The following IMMP2L variants were observed in gnomAD, a reference collection of about 807,000 sequenced individuals.
The protein encoded by IMMP2L is inner mitochondrial membrane peptidase subunit 2.
A neutral mutation model predicts 19.3 loss-of-function variants in IMMP2L; 18 were observed. The ratio of observed to expected loss-of-function variants is 0.93; its 90% CI spans 0.64 to 1.38. The LOEUF is 1.38. IMMP2L is among the 40% of genes most tolerant of loss of function. The pLI is 0.00. For missense variants in IMMP2L, 233 were observed against 218.2 expected (o/e 1.07, Z -0.43); for synonymous variants, 76 against 73.0 (o/e 1.04, Z -0.21).
intron 3 of IMMP2L, among the ~76,000 whole-genome samples, chr7:111,301,403 C>G (rs1822224358): frequency 6.7e-6 from 1 of 150,056 alleles, no homozygotes; most frequent in Non-Finnish European, 1.5e-5. Flanking sequence ...AATATTTTCT[C>G]CAAGCCTGCA....
intron 1 of IMMP2L, among the ~76,000 whole-genome samples, chr7:111,543,332 T>C (rs1848644226): frequency 6.6e-6 from 1 of 152,190 alleles, no homozygotes; most frequent in South Asian, 2.1e-4. Context: ...AAAGCTGATG[T>C]TAACCACTGT....
At chr7:111,132,543 C>G (rs940632016) in intron 3 of IMMP2L, among the ~76,000 whole-genome samples, 1 of 152,010 alleles carries the variant, frequency 6.6e-6, no homozygotes, top group African/African-American at 2.4e-5. Flanking sequence ...ACATCAACAC[C>G]AACAGCTTAG....
intron 5 of IMMP2L, among the ~76,000 whole-genome samples, chr7:110,848,951 T>C (rs1805935006): frequency 6.6e-6 from 1 of 152,070 alleles, no homozygotes; most frequent in Admixed American, 6.6e-5. Context: ...GCACAGGGAT[T>C]TTTAGGGCAG....
chr7:111,104,656 A>C (rs2129580995), intron 3 of IMMP2L, among the ~76,000 whole-genome samples: 1 of 151,882 alleles, frequency 6.6e-6, no homozygotes, highest in East Asian at 1.9e-4. Context: ...CTAAAGAAAA[A>C]TTTTTAAATG....
At chr7:110,878,662 A>G (rs1455640960) in intron 5 of IMMP2L, among the ~76,000 whole-genome samples, 4 of 152,112 alleles carry the variant, frequency 2.6e-5, no homozygotes, top group Non-Finnish European at 5.9e-5. Context: ...TCTTGATTAT[A>G]ACAACATAGT....
intron 3 of IMMP2L, among the ~76,000 whole-genome samples, chr7:111,084,602 A>C (rs1236977433): frequency 1.3e-5 from 2 of 152,212 alleles, no homozygotes; most frequent in African/African-American, 4.8e-5. Context: ...AACAGTAGGC[A>C]AAAGAACAAG....
In IMMP2L at chr7:111,124,146, A is replaced by C. The variant is rs1365442930; in HGVS notation, c.240-160581T>G. On this transcript the variant is annotated intron_variant, in intron 3 of 5. Coordinates refer to ENST00000405709, the MANE Select transcript of IMMP2L (RefSeq NM_032549.4). ...CACAGCCTGAAATCTACTGGATAAC[A>C]CCTTCTGGTCAAAAACTCTTGCCTA... 3.1e-6 allele frequency: 5 copies of C among 1,613,828 alleles called. No homozygotes were observed. In the Admixed American group the frequency reaches 8.3e-5, roughly 27 times the overall value.
intron 3 of IMMP2L, among the ~76,000 whole-genome samples, chr7:111,020,670 G>A (rs1430536805): frequency 6.6e-6 from 1 of 152,076 alleles, no homozygotes. Flanking sequence ...GCTGAGGTGG[G>A]AGGATCACTT....
At chr7:111,132,681 A>G (rs894208586) in intron 3 of IMMP2L, among the ~76,000 whole-genome samples, 1 of 152,000 alleles carries the variant, frequency 6.6e-6, no homozygotes, top group African/African-American at 2.4e-5. Context: ...GAACAAAATT[A>G]TTTATTATAG....
At chr7:111,340,396 A>T (rs1826892168) in intron 3 of IMMP2L, among the ~76,000 whole-genome samples, 2 of 152,116 alleles carry the variant, frequency 1.3e-5, no homozygotes, top group African/African-American at 4.8e-5. Context: ...CTTAAAAAAC[A>T]AAGTAATTAT....
intron 5 of IMMP2L, among the ~76,000 whole-genome samples, chr7:110,816,732 G>T: frequency 6.7e-6 from 1 of 150,326 alleles, no homozygotes; most frequent in Non-Finnish European, 1.5e-5. Flanking sequence ...GGCCTTCTTT[G>T]TCTCTTTTGA....
rs369182652 is a variant in IMMP2L, at chr7:111,429,594, G to A, written c.239+57644C>T. 2.1e-4 allele frequency among the ~76,000 whole-genome samples: 32 copies of A among 151,734 alleles called. No individual in the cohort carries two copies. In the South Asian group the frequency reaches 5.0e-3, roughly 24 times the overall value. ...ATAGAATTCCTGATTTCATATTTAT[G>A]AAATAGCATCCTTTCACAATAGCAC... On this transcript the variant is annotated intron_variant, in intron 3 of 5. Coordinates refer to ENST00000405709, the MANE Select transcript of IMMP2L (RefSeq NM_032549.4).
intron 5 of IMMP2L, among the ~76,000 whole-genome samples, chr7:110,835,513 T>A (rs1431954105): frequency 6.9e-6 from 1 of 145,724 alleles, no homozygotes; most frequent in Admixed American, 6.8e-5. Context: ...AGGACAACTA[T>A]AAACCAGAGA....
At chr7:111,280,877 G>A (rs1365403201) in intron 3 of IMMP2L, among the ~76,000 whole-genome samples, 1 of 151,946 alleles carries the variant, frequency 6.6e-6, no homozygotes, top group African/African-American at 2.4e-5. Flanking sequence ...AGACCATCCT[G>A]TCTAACACGG....
At chr7:111,428,296 T>C (rs1013532073) in intron 3 of IMMP2L, among the ~76,000 whole-genome samples, 1 of 151,740 alleles carries the variant, frequency 6.6e-6, no homozygotes, top group Non-Finnish European at 1.5e-5. Context: ...TGATAAAGAC[T>C]AAAGCAGTAG....
chr7:111,039,891 C>A (rs1282896383), intron 3 of IMMP2L, among the ~76,000 whole-genome samples: 3 of 152,150 alleles, frequency 2.0e-5, no homozygotes, highest in African/African-American at 7.2e-5. Flanking sequence ...CTGGACTGGG[C>A]AGGGTGGTTC....
chr7:111,513,461 T>C (rs1448678868), intron 2 of IMMP2L, among the ~76,000 whole-genome samples: 3 of 152,066 alleles, frequency 2.0e-5, no homozygotes, highest in African/African-American at 7.2e-5. Flanking sequence ...AAGAGATAAA[T>C]GTTGGTGAGA....
In IMMP2L at chr7:111,083,715, A is replaced by G. The variant is rs114490474; in HGVS notation, c.240-120150T>C. Among the ~76,000 whole-genome samples the G allele has an allele frequency of 7.2e-3, 1,092 of 152,314 alleles. 15 individuals carry two copies. The highest frequency in any genetic ancestry group is 0.025 in the African/African-American group (1,040 of 41,558). On this transcript the variant is annotated intron_variant, in intron 3 of 5. Coordinates refer to ENST00000405709, the MANE Select transcript of IMMP2L (RefSeq NM_032549.4). ...CTCACGGTACTGTAAGAATGAAACCATATGTGTGCAGGGTCTACCAAGTTT... is the reference window on the plus strand; with the variant it reads ...CTCACGGTACTGTAAGAATGAAACCGTATGTGTGCAGGGTCTACCAAGTTT...
At chr7:111,161,896 T>C (rs1390686689) in intron 3 of IMMP2L, among the ~76,000 whole-genome samples, 1 of 152,042 alleles carries the variant, frequency 6.6e-6, no homozygotes, top group Admixed American at 6.6e-5. Flanking sequence ...AACTAAAATG[T>C]CTCCACTTCA....
Sources: allele counts gnomAD v4.1 joint callset (sites outside exome capture counted in the v4.1 genomes callset), GRCh38; gene constraint gnomAD v4.1.1; transcripts MANE v1.5; gene names NCBI Gene and HGNC (gene_info 2026-07-23, HGNC 2026-07-21).